Variants in TRMT9B observed in about 807,000 individuals in gnomAD.
TRMT9B encodes the protein tRNA methyltransferase 9B (putative).
In TRMT9B, 16 loss-of-function variants were observed where a neutral mutation model predicts 11.5. That is an observed-to-expected ratio of 1.39 (90% CI 0.94 to 2.11). The LOEUF (loss-of-function observed/expected upper bound fraction) is 2.11. Ranked by LOEUF, TRMT9B falls within the 30% of genes most tolerant of loss-of-function variation. The pLI is 0.00. For missense variants in TRMT9B, 941 were observed against 553.8 expected (o/e 1.70, Z -7.02); for synonymous variants, 274 against 192.4 (o/e 1.42, Z -3.51).
At chr8:12,978,036 A>G (rs548696635) in intron 1 of TRMT9B, among the ~76,000 whole-genome samples, 1 of 152,174 alleles carries the variant, frequency 6.6e-6, no homozygotes, top group Non-Finnish European at 1.5e-5. Context: ...CTCCAAAAAA[A>G]GTAGATGGAT....
intron 4 of TRMT9B, 57 bp from the exon 5 acceptor site, chr8:13,020,951 A>G (rs926169466): frequency 1.4e-5 from 16 of 1,180,002 alleles, no homozygotes; most frequent in East Asian, 2.6e-5. Flanking sequence ...ACCAGTGTAT[A>G]CGTGTGTGGG....
At chr8:12,958,978 G>A (rs1308876442) in intron 1 of TRMT9B, among the ~76,000 whole-genome samples, 1 of 152,140 alleles carries the variant, frequency 6.6e-6, no homozygotes, top group Non-Finnish European at 1.5e-5. Context: ...AGCATTAGGA[G>A]AAATATCTAA....
chr8:13,018,778 T>C (rs1813281277), intron 4 of TRMT9B, among the ~76,000 whole-genome samples: 1 of 152,198 alleles, frequency 6.6e-6, no homozygotes, highest in Non-Finnish European at 1.5e-5. Flanking sequence ...AACTCATGCC[T>C]GAACGAAGTT....
At chr8:12,997,448 G>T (rs1233543974) in intron 2 of TRMT9B, among the ~76,000 whole-genome samples, 1 of 152,106 alleles carries the variant, frequency 6.6e-6, no homozygotes, top group Non-Finnish European at 1.5e-5. Flanking sequence ...TGCTTGTACA[G>T]CCTGTAGAAC....
At chr8:12,990,495 A>T (rs1281756575) in intron 1 of TRMT9B, among the ~76,000 whole-genome samples, 2 of 152,216 alleles carry the variant, frequency 1.3e-5, no homozygotes, top group African/African-American at 4.8e-5. Context: ...ATTTAGTACA[A>T]TTTAGTAATA....
intron 1 of TRMT9B, among the ~76,000 whole-genome samples, chr8:12,988,482 G>A (rs1414158276): frequency 6.6e-6 from 1 of 152,178 alleles, no homozygotes; most frequent in African/African-American, 2.4e-5. Context: ...AAAGGAAAGA[G>A]GTTTAATTGA....
chr8:12,946,855 A>G (rs1314352920), intron 1 of TRMT9B, among the ~76,000 whole-genome samples: 2 of 152,190 alleles, frequency 1.3e-5, no homozygotes, highest in East Asian at 3.8e-4. Context: ...AAACCATCCT[A>G]TTCCCAATGC....
Position 12,973,979 on chromosome 8 carries a change from G to C in TRMT9B, c.-199-16855G>C, listed in dbSNP as rs530296594. ...GTTTCAGACCAGCCTGAGCATTATA[G>C]TGAGATGTCATCTCCAAAAATATAT... On this transcript the variant is annotated intron_variant, in intron 1 of 4. Transcript: ENST00000524591. Among the ~76,000 whole-genome samples the C allele has an allele frequency of 1.4e-4, 21 of 152,178 alleles. No individual in the cohort carries two copies. The South Asian group carries it at 4.4e-3, about 32-fold the overall frequency.
At chr8:12,983,686 T>G (rs891495585) in intron 1 of TRMT9B, among the ~76,000 whole-genome samples, 3 of 151,982 alleles carry the variant, frequency 2.0e-5, no homozygotes, top group East Asian at 3.9e-4. Flanking sequence ...ATAATAATAA[T>G]AAAACCCTTC....
At chr8:12,979,363 CAA>C (rs1804985804) in intron 1 of TRMT9B, among the ~76,000 whole-genome samples, 1 of 152,070 alleles carries the variant, frequency 6.6e-6, no homozygotes, top group East Asian at 1.9e-4. Flanking sequence ...ACTACAGCTT[CAA>C]GAGATAAGAC....
intron 4 of TRMT9B, among the ~76,000 whole-genome samples, chr8:13,017,385 A>T (rs1196856571): frequency 6.6e-6 from 1 of 152,140 alleles, no homozygotes; most frequent in African/African-American, 2.4e-5. Flanking sequence ...GCAGGAAAAT[A>T]CTGCTTTAGG....
At chr8:12,979,313 A>T (rs1005592827) in intron 1 of TRMT9B, among the ~76,000 whole-genome samples, 7 of 152,098 alleles carry the variant, frequency 4.6e-5, no homozygotes, top group African/African-American at 1.7e-4. Flanking sequence ...CAGCCTATAG[A>T]TTCTCAGTAA....
At chr8:12,972,492 G>T (rs1483375774) in intron 1 of TRMT9B, among the ~76,000 whole-genome samples, 3 of 152,216 alleles carry the variant, frequency 2.0e-5, no homozygotes, top group African/African-American at 4.8e-5. Flanking sequence ...CCGCTGCCAG[G>T]GTGAAGGGCT....
rs1813904112 is a variant in TRMT9B, at chr8:13,021,598, T to C, written c.919T>C (p.Leu307=). The change falls in exon 5 of 5, where the codon TTA becomes CTA. Residue 307 remains leucine (L), a synonymous_variant. Transcript: ENST00000524591. ...QEPFSTKGQS[L]DEEVFVESSS... ...GCCATTTTCAACAAAAGGGCAAAGT[T>C]TAGATGAGGAAGTGTTTGTGGAATC... 1 of 1,613,674 alleles carries C rather than the reference T, an allele frequency of 6.2e-7. No individual in the cohort carries two copies. The highest frequency in any genetic ancestry group is 1.1e-5 in the South Asian group (1 of 91,068).
At chr8:12,971,675 G>T (rs1803650347) in intron 1 of TRMT9B, among the ~76,000 whole-genome samples, 1 of 152,158 alleles carries the variant, frequency 6.6e-6, no homozygotes, top group Non-Finnish European at 1.5e-5. Context: ...GAAAATGGGG[G>T]GCAGGGAAAG....
intron 1 of TRMT9B, among the ~76,000 whole-genome samples, chr8:12,963,315 C>T (rs1210130157): frequency 1.3e-5 from 2 of 152,000 alleles, no homozygotes; most frequent in African/African-American, 4.8e-5. Context: ...CGTCTGTAAT[C>T]CCCGCTACTC....
At chr8:12,993,090 G>T (rs1420960237) in intron 2 of TRMT9B, among the ~76,000 whole-genome samples, 1 of 152,146 alleles carries the variant, frequency 6.6e-6, no homozygotes, top group South Asian at 2.1e-4. Context: ...GGGAAAAAGT[G>T]AGTAGATTTG....
intron 1 of TRMT9B, chr8:12,951,957 C>CCGCG (rs1204889747): frequency 6.5e-6 from 1 of 154,386 alleles, no homozygotes; most frequent in Non-Finnish European, 1.4e-5. Context: ...GAGCCCCGGC[C>CCGCG]CGCGCGCGCG....
intron 1 of TRMT9B, among the ~76,000 whole-genome samples, chr8:12,984,997 TC>T (rs1806032635): frequency 2.0e-5 from 3 of 150,384 alleles, no homozygotes; most frequent in African/African-American, 7.4e-5. Flanking sequence ...ACTCTCTCTC[TC>T]ACACTCCCCA....
Sources: allele counts gnomAD v4.1 joint callset (sites outside exome capture counted in the v4.1 genomes callset), GRCh38; gene constraint gnomAD v4.1.1; transcripts MANE v1.5; gene names NCBI Gene and HGNC (gene_info 2026-07-23, HGNC 2026-07-21).